Variants in SDK1 observed in about 807,000 individuals in gnomAD.
SDK1 encodes protein sidekick-1.
In SDK1, 157 loss-of-function variants were observed where a neutral mutation model predicts 245.5. That is an observed-to-expected ratio of 0.64 (90% CI 0.56 to 0.73). The LOEUF is 0.73. Ranked by LOEUF, SDK1 falls within the 30% of genes least tolerant of loss-of-function variation. SDK1 has a pLI of 0.00. For synonymous variants in SDK1, 1,647 were observed against 1,278.5 expected, an observed-to-expected ratio of 1.29 and a Z score of -6.15; for missense variants, 3,583 against 3,002.3, an observed-to-expected ratio of 1.19 and a Z score of -4.52.
At chr7:4,099,757 G>A (rs1449112944) in intron 22 of SDK1, among the ~76,000 whole-genome samples, 1 of 150,234 alleles carries the variant, frequency 6.7e-6, no homozygotes, top group Non-Finnish European at 1.5e-5. Context: ...TGGGGCGTGT[G>A]TGAGCGGGAT....
chr7:3,601,245 A>C (rs569572915), intron 1 of SDK1, among the ~76,000 whole-genome samples: 1 of 152,230 alleles, frequency 6.6e-6, no homozygotes, highest in African/African-American at 2.4e-5. Flanking sequence ...ATGAATTGGG[A>C]GATGTTTCTT....
chr7:3,659,309 A>C (rs1313004232), intron 4 of SDK1, among the ~76,000 whole-genome samples: 1 of 152,132 alleles, frequency 6.6e-6, no homozygotes, highest in Non-Finnish European at 1.5e-5. Flanking sequence ...TGTTCTCAGA[A>C]TTTCCAGCCT....
chr7:3,620,015 A>G lies in SDK1; in HGVS notation c.458+776A>G, dbSNP rs149934793. On this transcript the variant is annotated intron_variant, in intron 2 of 44. Transcript: ENST00000404826. Reference sequence around the variant, plus strand: ...GTGCAGGATGGAGAACTAGCATGCCAGAAAAGTCCAGGAGGCCTCACCATC... The same window carrying G: ...GTGCAGGATGGAGAACTAGCATGCCGGAAAAGTCCAGGAGGCCTCACCATC... Among the ~76,000 whole-genome samples the G allele has an allele frequency of 3.9e-3, 599 of 152,354 alleles. 6 individuals carry two copies. The highest frequency in any genetic ancestry group is 0.014 in the African/African-American group (585 of 41,584).
At chr7:3,618,503 A>T (rs958989513) in intron 1 of SDK1, among the ~76,000 whole-genome samples, 1 of 152,158 alleles carries the variant, frequency 6.6e-6, no homozygotes. Flanking sequence ...TTGTTGCTGC[A>T]TTCTCGCTGC....
chr7:3,375,017 T>C (rs915329278), intron 1 of SDK1, among the ~76,000 whole-genome samples: 6 of 152,222 alleles, frequency 3.9e-5, no homozygotes, highest in African/African-American at 1.4e-4. Flanking sequence ...TTAAATATTT[T>C]TTAGTGAATT....
intron 22 of SDK1, among the ~76,000 whole-genome samples, chr7:4,107,699 G>A (rs879814751): frequency 6.6e-5 from 10 of 151,990 alleles, no homozygotes; most frequent in South Asian, 2.1e-4. Context: ...TTGGTCCTCC[G>A]CACTCCCCAG....
At chr7:3,749,720 C>CAG (rs142503837) in intron 4 of SDK1, among the ~76,000 whole-genome samples, 17 of 151,552 alleles carry the variant, frequency 1.1e-4, no homozygotes, top group African/African-American at 3.4e-4. Context: ...AACCTTGGTG[C>CAG]AGAGAGAGAG....
intron 1 of SDK1, among the ~76,000 whole-genome samples, chr7:3,353,995 C>CTT (rs533694234): frequency 1.4e-5 from 2 of 139,076 alleles, no homozygotes; most frequent in African/African-American, 2.6e-5. Flanking sequence ...TTTTTCTTTT[C>CTT]TTTTTTTTTT....
At chr7:4,005,671 T>C (rs1785432295) in intron 14 of SDK1, among the ~76,000 whole-genome samples, 1 of 152,108 alleles carries the variant, frequency 6.6e-6, no homozygotes, top group Admixed American at 6.6e-5. Context: ...CCGAAAGCAC[T>C]TCCAGGCGGC....
chr7:4,041,288 C>CTT (rs58871072), intron 17 of SDK1, among the ~76,000 whole-genome samples: 6,525 of 141,930 alleles, frequency 0.046, 302 homozygotes, highest in African/African-American at 0.11. Context: ...TTTTGTTTTA[C>CTT]TTTTTTTTTT....
At position 3,333,012 on chromosome 7, in the gene SDK1, A is replaced by G. The variant is rs567002388; in HGVS notation, c.298+31128A>G. Among the ~76,000 whole-genome samples, 6 of 152,284 alleles carry G rather than the reference A, an allele frequency of 3.9e-5. No homozygotes were observed. The East Asian group carries it at 7.7e-4, about 20-fold the overall frequency. On this transcript the variant is annotated intron_variant, in intron 1 of 44. Coordinates refer to ENST00000404826, the MANE Select transcript of SDK1 (RefSeq NM_152744.4). ...CTCTTAGATTTTTCCCTGTCAGTGTATTGTAACCTTTTATAAGGGCAGCGC... is the reference window on the plus strand; with the variant it reads ...CTCTTAGATTTTTCCCTGTCAGTGTGTTGTAACCTTTTATAAGGGCAGCGC...
intron 22 of SDK1, among the ~76,000 whole-genome samples, chr7:4,084,850 C>A (rs1031811256): frequency 6.6e-6 from 1 of 152,076 alleles, no homozygotes; most frequent in Non-Finnish European, 1.5e-5. Context: ...GCAACCTCCG[C>A]CTCCTGGGTT....
intron 1 of SDK1, among the ~76,000 whole-genome samples, chr7:3,535,667 C>T (rs1003876576): frequency 2.6e-5 from 4 of 152,120 alleles, no homozygotes; most frequent in Non-Finnish European, 5.9e-5. Context: ...CTATATTGGT[C>T]GTTCTTTTTC....
chr7:3,977,272 A>G lies in SDK1; in HGVS notation c.1994+2727A>G, dbSNP rs55723142. Among the ~76,000 whole-genome samples, 48 of 16,822 alleles carry G rather than the reference A, an allele frequency of 2.9e-3. 6 individuals are homozygous for G. The highest frequency in any genetic ancestry group is 7.6e-3 in the African/African-American group (20 of 2,638). The allele number at this position is 16,822 out of a possible 152,430, so 11.0% of individuals were successfully genotyped here. A position where few individuals can be genotyped will look rare whatever the true frequency, so the allele number is the denominator to read the frequency against. ...GGGGCTGAGGCTGCGAGGCTGCCAC[A>G]CAGACGGTCCTCCAGAGAATCACTG... On this transcript the variant is annotated intron_variant, in intron 13 of 44. Transcript: ENST00000404826.
intron 5 of SDK1, among the ~76,000 whole-genome samples, chr7:3,923,179 T>C (rs968681862): frequency 8.5e-5 from 13 of 152,258 alleles, no homozygotes; most frequent in African/African-American, 3.1e-4. Flanking sequence ...GATTCTCTGG[T>C]TGATCTCAAG....
intron 17 of SDK1, among the ~76,000 whole-genome samples, chr7:4,021,045 C>T (rs1786849512): frequency 6.6e-6 from 1 of 152,164 alleles, no homozygotes; most frequent in Non-Finnish European, 1.5e-5. Context: ...GGGTCATCTC[C>T]CTACTGACAG....
intron 11 of SDK1, among the ~76,000 whole-genome samples, chr7:3,970,929 CA>C (rs1166008317): frequency 6.6e-6 from 1 of 152,176 alleles, no homozygotes; most frequent in East Asian, 1.9e-4. Flanking sequence ...ATCGCACAGG[CA>C]AGCTGGGGGT....
At position 3,588,799 on chromosome 7, in the gene SDK1, C is replaced by G. The variant is rs116683930; in HGVS notation, c.299-30281C>G. Among the ~76,000 whole-genome samples, 1,303 of 152,310 alleles carry G rather than the reference C, an allele frequency of 8.6e-3. 23 individuals are homozygous for G. Among genetic ancestry groups the G allele is most frequent in the African/African-American group, 0.029 (1,204 of 41,578 alleles). On this transcript the variant is annotated intron_variant, in intron 1 of 44. Transcript: ENST00000404826. ...GAAAATTGATAAAAGTGTAAAGCTA[C>G]TTTGCATCACTACTTTGGATGATCC...
Position 4,174,248 on chromosome 7 carries a change from CCTT to C in SDK1, c.4832_4834del (p.Leu1611del), listed in dbSNP as rs1562388262. On this transcript the variant is annotated inframe_deletion, in exon 33 of 45. Transcript: ENST00000404826. ...CTCCGAGGGACGAAAGCCTGAATGG[CCTT>C]CTTCAGGGATACAGGATCTACTACA... is the stretch of plus-strand genomic sequence containing the variant. 3.1e-6 allele frequency: 5 copies of C among 1,614,014 alleles called. No individual in the cohort carries two copies. The highest frequency in any genetic ancestry group is 1.7e-5 in the Admixed American group (1 of 60,020).
Sources: allele counts gnomAD v4.1 joint callset (sites outside exome capture counted in the v4.1 genomes callset), GRCh38; gene constraint gnomAD v4.1.1; transcripts MANE v1.5; gene names NCBI Gene and HGNC (gene_info 2026-07-23, HGNC 2026-07-21).